LANCL3: variants seen among roughly 807,000 people sequenced by gnomAD.
LANCL3 encodes lanC-like protein 3.
In LANCL3, 19 loss-of-function variants were observed where a neutral mutation model predicts 26.5. The ratio of observed to expected loss-of-function variants is 0.72; its 90% CI spans 0.50 to 1.05. The LOEUF (loss-of-function observed/expected upper bound fraction) is 1.05. Ranked by LOEUF, LANCL3 falls within the 50% of genes least tolerant of loss-of-function variation. The pLI is 0.00. For missense variants in LANCL3, 318 were observed against 362.7 expected (o/e 0.88, Z 1.00); for synonymous variants, 160 against 166.6 (o/e 0.96, Z 0.30).
chrX:37,572,188 T>C lies in LANCL3; in HGVS notation c.318T>C (p.Ala106=), dbSNP rs1923605708. ...GCCTCATCGACGCGTGCGCCCGCGCTGAGGAGTGGGGCGAACCGGACGCCG... is the reference window on the plus strand; with the variant it reads ...GCCTCATCGACGCGTGCGCCCGCGCCGAGGAGTGGGGCGAACCGGACGCCG... ...AKRLIDACAR[A]EEWGEPDADT... Residue 106 remains alanine, a synonymous_variant, in exon 1 of 5, where the codon GCT becomes GCC. Coordinates refer to ENST00000378619, the MANE Select transcript of LANCL3 (RefSeq NM_001170331.2). 4 of 1,177,958 alleles carry C rather than the reference T, an allele frequency of 3.4e-6. No homozygotes were observed. In the Admixed American group the frequency reaches 6.8e-5, roughly 20 times the overall value.
At chrX:37,612,010 G>A (rs781885556) in intron 1 of LANCL3, among the ~76,000 whole-genome samples, 14 of 110,047 alleles carry the variant, frequency 1.3e-4, no homozygotes, top group Non-Finnish European at 2.5e-4. Flanking sequence ...GCACGATCTC[G>A]GCTCACTGCA....
chrX:37,587,364 CT>C (rs1238477141), intron 1 of LANCL3, among the ~76,000 whole-genome samples: 1 of 112,773 alleles, frequency 8.9e-6, no homozygotes, highest in Non-Finnish European at 1.9e-5. Flanking sequence ...TTTCTGCTGC[CT>C]TTTGTTCGGC....
At position 37,683,133 on chromosome X, in the gene LANCL3, T is replaced by TGTGA. The variant is rs1926979260; in HGVS notation, c.*7320_*7321insGTGA. The TGTGA allele has an allele frequency of 1.8e-5, 2 of 111,856 alleles. No homozygotes were observed. Among genetic ancestry groups the TGTGA allele is most frequent in the African/African-American group, 3.3e-5 (1 of 30,731 alleles). The allele number at this position is 111,856 out of a possible 1,213,427, so 9.2% of individuals were successfully genotyped here. ...ATAGAATTTACTGCTCCAAAAAGCTTTTTTGGCATAAATCACAATACTTAC... is the reference window on the plus strand; with the variant it reads ...ATAGAATTTACTGCTCCAAAAAGCTTGTGATTTTGGCATAAATCACAATACTTAC... On this transcript the variant is annotated 3_prime_UTR_variant, in exon 5 of 5. Transcript: ENST00000378619.
Position 37,572,328 on chromosome X carries a change from T to C in LANCL3, c.458T>C (p.Leu153Pro). Residue 153 changes from leucine to proline, a missense_variant, in exon 1 of 5, where the codon CTG becomes CCG. Coordinates refer to ENST00000378619, the MANE Select transcript of LANCL3 (RefSeq NM_001170331.2). ...YVQPLGKFRA[L>P]CAVCAPVSFL... ...CAGCCGCTGGGCAAGTTCCGGGCTC[T>C]GTGTGCCGTCTGCGCGCCGGTCTCC... 1.7e-6 allele frequency: 2 copies of C among 1,163,862 alleles called. No individual in the cohort carries two copies. Among genetic ancestry groups the C allele is most frequent in the Non-Finnish European group, 2.3e-6 (2 of 872,101 alleles).
intron 1 of LANCL3, among the ~76,000 whole-genome samples, chrX:37,608,027 A>G (rs1556420733): frequency 8.9e-6 from 1 of 112,320 alleles, no homozygotes; most frequent in African/African-American, 3.2e-5. Flanking sequence ...CATGAAAAAA[A>G]TGGAACCATA....
intron 1 of LANCL3, among the ~76,000 whole-genome samples, chrX:37,637,968 T>C (rs1204639488): frequency 9.0e-6 from 1 of 110,873 alleles, no homozygotes; most frequent in East Asian, 2.8e-4. Context: ...CAGATTCTCC[T>C]AGGAATTTAA....
chrX:37,663,330 G>T (rs1030510648), intron 3 of LANCL3, among the ~76,000 whole-genome samples: 2 of 112,003 alleles, frequency 1.8e-5, no homozygotes, highest in Non-Finnish European at 3.8e-5. Flanking sequence ...TCCTCATGCT[G>T]CCTTCAGGTC....
intron 1 of LANCL3, among the ~76,000 whole-genome samples, chrX:37,649,327 C>T (rs1474219902): frequency 9.0e-6 from 1 of 111,505 alleles, no homozygotes; most frequent in Non-Finnish European, 1.9e-5. Flanking sequence ...AGCTGGAAGG[C>T]ATCATCCTCA....
chrX:37,571,676 G>A lies in LANCL3; in HGVS notation c.-195G>A, dbSNP rs1204118466. The A allele has an allele frequency of 4.0e-5, 15 of 374,108 alleles. No homozygotes were observed. Among genetic ancestry groups the A allele is most frequent in the South Asian group, 3.9e-4 (7 of 18,016 alleles). 30.8% of individuals were successfully genotyped at this position (374,108 alleles called of 1,213,427 possible). A position where few individuals can be genotyped will look rare whatever the true frequency, so the allele number is the denominator to read the frequency against. ...CGCCCGGGCCACTCGGGAGCCTCGCGGCAGCCCGGCGCCCCACTTGGCCAT... is the reference window on the plus strand; with the variant it reads ...CGCCCGGGCCACTCGGGAGCCTCGCAGCAGCCCGGCGCCCCACTTGGCCAT... On this transcript the variant is annotated 5_prime_UTR_variant, in exon 1 of 5. Transcript: ENST00000378619.
intron 1 of LANCL3, among the ~76,000 whole-genome samples, chrX:37,631,283 G>A (rs1925500416): frequency 9.0e-6 from 1 of 111,330 alleles, no homozygotes. Flanking sequence ...TATTTCTGTG[G>A]GATTGGTGGT....
At position 37,621,995 on chromosome X, in the gene LANCL3, G is replaced by T. The variant is rs1925175244; in HGVS notation, c.574-33693G>T. Among the ~76,000 whole-genome samples the T allele has an allele frequency of 2.7e-5, 3 of 111,313 alleles. No individual in the cohort carries two copies. In the South Asian group the frequency reaches 1.1e-3, roughly 42 times the overall value. On this transcript the variant is annotated intron_variant, in intron 1 of 4. Coordinates refer to ENST00000378619, the MANE Select transcript of LANCL3 (RefSeq NM_001170331.2). Reference sequence around the variant, plus strand: ...TCTCATCTTCCTTCATCTTTCCCAAGACATTATTGCCAAACACTCTCCTCC... The same window carrying T: ...TCTCATCTTCCTTCATCTTTCCCAATACATTATTGCCAAACACTCTCCTCC...
At position 37,675,837 on chromosome X, in the gene LANCL3, C is replaced by T. The variant is rs1926789135; in HGVS notation, c.*24C>T. 1 of 1,090,324 alleles carries T rather than the reference C, an allele frequency of 9.2e-7. No homozygotes were observed. Among genetic ancestry groups the T allele is most frequent in the Non-Finnish European group, 1.2e-6 (1 of 832,801 alleles). 89.9% of individuals were successfully genotyped at this position (1,090,324 alleles called of 1,213,427 possible). ...AGAAGGCTCTATCTTCCACTGTGGC[C>T]CTGCAGAGATCCCCTGAGCCAAGCC... On this transcript the variant is annotated 3_prime_UTR_variant, in exon 5 of 5. Transcript: ENST00000378619.
intron 1 of LANCL3, among the ~76,000 whole-genome samples, chrX:37,585,668 T>G (rs1344899436): frequency 1.8e-5 from 2 of 111,669 alleles, no homozygotes; most frequent in Non-Finnish European, 3.8e-5. Flanking sequence ...CCTCCATCCC[T>G]TTATTTTGAG....
chrX:37,642,851 G>T (rs782730237), intron 1 of LANCL3, among the ~76,000 whole-genome samples: 1 of 112,397 alleles, frequency 8.9e-6, no homozygotes, highest in Admixed American at 9.4e-5. Context: ...AACTAATAGT[G>T]TAAGCCACTA....
intron 1 of LANCL3, among the ~76,000 whole-genome samples, chrX:37,579,835 A>G (rs1923849225): frequency 9.0e-6 from 1 of 111,402 alleles, no homozygotes; most frequent in Non-Finnish European, 1.9e-5. Flanking sequence ...TTTTTATTTG[A>G]TAGAGGATTA....
intron 1 of LANCL3, among the ~76,000 whole-genome samples, chrX:37,626,260 A>G (rs1042346897): frequency 6.0e-4 from 67 of 112,202 alleles, no homozygotes; most frequent in African/African-American, 2.1e-3. Flanking sequence ...TGGTGTAAAG[A>G]TAGACAGAAA....
chrX:37,624,619 A>T (rs1157889441), intron 1 of LANCL3, among the ~76,000 whole-genome samples: 1 of 112,105 alleles, frequency 8.9e-6, no homozygotes, highest in African/African-American at 3.2e-5. Flanking sequence ...CCATGAAAAC[A>T]GAGGCCAAGA....
intron 1 of LANCL3, among the ~76,000 whole-genome samples, chrX:37,586,264 C>T (rs1296234439): frequency 2.0e-4 from 22 of 110,826 alleles, no homozygotes; most frequent in African/African-American, 6.6e-4. Context: ...TGAATCTGAC[C>T]GTTATGTGTC....
At chrX:37,630,604 T>G (rs1172675034) in intron 1 of LANCL3, among the ~76,000 whole-genome samples, 1 of 109,830 alleles carries the variant, frequency 9.1e-6, no homozygotes, top group African/African-American at 3.3e-5. Context: ...AGATAGCTCT[T>G]ATTATTTTGA....
Sources: gnomAD v4.1 joint callset for allele counts (sites outside exome capture counted in the v4.1 genomes callset) on GRCh38, gnomAD v4.1.1 for gene constraint, MANE v1.5 for transcripts, NCBI Gene and HGNC (gene_info 2026-07-23, HGNC 2026-07-21) for gene names.